WDR87: variants seen among roughly 807,000 people sequenced by gnomAD.
WDR87 encodes WD repeat-containing protein 87.
Under a neutral mutation model 83.3 loss-of-function variants are expected in WDR87, and 56 were observed. The ratio of observed to expected loss-of-function variants is 0.67; its 90% CI spans 0.54 to 0.84. WDR87 has a LOEUF of 0.84. Among genes scored for constraint, WDR87 ranks in the 40% least tolerant of loss-of-function variants. The pLI is 0.00. For missense variants in WDR87, 2,939 were observed against 3,431.9 expected (o/e 0.86, Z 3.59); for synonymous variants, 1,173 against 1,250.6 (o/e 0.94, Z 1.31).
In WDR87 at chr19:37,894,962, G is replaced by A. The variant is rs746990988; in HGVS notation, c.741C>T (p.Cys247=). The change falls in exon 4 of 6, where the codon TGC becomes TGT. Residue 247 remains cysteine (C), a synonymous_variant. Transcript: ENST00000447313. The part of the protein sequence containing the change: ...STSSGSSITC[C]FTCFDQGFLY... The stretch of plus-strand genomic sequence containing the variant: ...GAAAGCCCTGATCAAAACAGGTGAA[G>A]CAGCAGGTGATGGAGGAGCCGCTGC... The A allele has an allele frequency of 1.3e-6, 2 of 1,551,294 alleles. No individual in the cohort carries two copies. The highest frequency in any genetic ancestry group is 2.4e-5 in the East Asian group (1 of 40,868).
intron 1 of WDR87, among the ~76,000 whole-genome samples, chr19:37,899,898 A>G (rs2046283298): frequency 1.3e-5 from 2 of 152,240 alleles, no homozygotes; most frequent in Non-Finnish European, 2.9e-5. Context: ...TGCTGGCATT[A>G]CAGGCATGAA....
chr19:37,900,541 A>G (rs2046286746), intron 1 of WDR87, among the ~76,000 whole-genome samples: 1 of 144,500 alleles, frequency 6.9e-6, no homozygotes, highest in Non-Finnish European at 1.5e-5. Flanking sequence ...AGCCTCAGTG[A>G]CAGAGCAAGA....
chr19:37,902,843 A>G (rs1340558379), intron 1 of WDR87, among the ~76,000 whole-genome samples: 2 of 152,246 alleles, frequency 1.3e-5, no homozygotes, highest in Admixed American at 6.5e-5. Flanking sequence ...GTTGGCTCCA[A>G]TGTGCTCTGT....
Position 37,890,074 on chromosome 19 carries a change from G to A in WDR87, c.3597C>T (p.Ile1199=), listed in dbSNP as rs1484520077. 5 of 1,551,796 alleles carry A rather than the reference G, an allele frequency of 3.2e-6. No homozygotes were observed. Among genetic ancestry groups the A allele is most frequent in the South Asian group, 1.2e-5 (1 of 84,056 alleles). Reference sequence around the variant, plus strand: ...GGGTCAATGCAATGTGATCCTTCGAGATATCTTTCTCTTGAGAATCAACAT... The same window carrying A: ...GGGTCAATGCAATGTGATCCTTCGAAATATCTTTCTCTTGAGAATCAACAT... ...SKDVDSQEKD[I]SKDHIALTLK... The change falls in exon 6 of 6, where the codon ATC becomes ATT. Residue 1199 remains isoleucine, a synonymous_variant. Coordinates refer to ENST00000447313, the MANE Select transcript of WDR87 (RefSeq NM_001291088.2).
chr19:37,893,577 G>T lies in WDR87; in HGVS notation c.2126C>A (p.Ser709Tyr). The change falls in exon 4 of 6, where the codon TCC becomes TAC. Residue 709 changes from serine to tyrosine, a missense_variant. Around this residue, in one of 3 missense-constraint regions of WDR87, gnomAD observed 553 missense variants for 577.9 expected, o/e 0.96. Transcript: ENST00000447313. The part of the protein sequence containing the change: ...PKPFIPSFFF[S>Y]FETMFVPKYI... Reference sequence around the variant, plus strand: ...CTTGGGCACAAACATGGTCTCAAAGGAGAAGAAGAAGCTTGGTATGAAAGG... The same window carrying T: ...CTTGGGCACAAACATGGTCTCAAAGTAGAAGAAGAAGCTTGGTATGAAAGG... The T allele has an allele frequency of 6.4e-7, 1 of 1,551,844 alleles. No homozygotes were observed.
At position 37,895,083 on chromosome 19, in the gene WDR87, C is replaced by T. The variant is rs1243174918; in HGVS notation, c.620G>A (p.Ser207Asn). The T allele has an allele frequency of 3.2e-6, 5 of 1,551,612 alleles. No individual in the cohort carries two copies. Among genetic ancestry groups the T allele is most frequent in the East Asian group, 2.4e-5 (1 of 40,932 alleles). ...LVQDIVLNGP[S>N]GSLLALCETV... ...CTCACACAGGGCCAGGAGGGAGCCA[C>T]TGGGACCATTCAGCACGATGTCCTG... The change falls in exon 4 of 6, where the codon AGT becomes AAT. Residue 207 changes from serine to asparagine, a missense_variant. Around this residue, in one of 3 missense-constraint regions of WDR87, gnomAD observed 226 missense variants for 320.9 expected, o/e 0.70. Transcript: ENST00000447313.
chr19:37,898,060 T>A (rs1443916379), intron 2 of WDR87, 105 bp downstream of exon 2: 2 of 1,357,266 alleles, frequency 1.5e-6, no homozygotes, highest in Non-Finnish European at 2.0e-6. Flanking sequence ...ATACCCTGTT[T>A]GCTTCCTGTT....
intron 1 of WDR87, among the ~76,000 whole-genome samples, chr19:37,898,909 C>T (rs1344173346): frequency 6.6e-6 from 1 of 152,146 alleles, no homozygotes; most frequent in Non-Finnish European, 1.5e-5. Context: ...GAACTTCATC[C>T]GTTTAGAGAA....
At chr19:37,890,732 C>T (rs1329214761) in intron 5 of WDR87, among the ~76,000 whole-genome samples, 1 of 152,102 alleles carries the variant, frequency 6.6e-6, no homozygotes, top group South Asian at 2.1e-4. Flanking sequence ...AACCTCTGGC[C>T]CTAGGCAACC....
In WDR87 at chr19:37,888,902, G is replaced by C. The variant is rs1007860057; in HGVS notation, c.4769C>G (p.Ser1590Cys). 6.4e-7 allele frequency: 1 copy of C among 1,551,738 alleles called. No individual in the cohort carries two copies. The highest frequency in any genetic ancestry group is 8.7e-7 in the Non-Finnish European group (1 of 1,147,076). ...CTGTTCTTTTTCTTCCCCCTCCCGAGACACTTCTTCCTCCAAAGTCACTTC... is the reference window on the plus strand; with the variant it reads ...CTGTTCTTTTTCTTCCCCCTCCCGACACACTTCTTCCTCCAAAGTCACTTC... ...EEEVTLEEEV[S>C]REGEEKEQQV... is the part of the protein sequence containing the mutation. The change falls in exon 6 of 6, where the codon TCT (serine) becomes TGT (cysteine). Residue 1590 changes from serine to cysteine, a missense_variant. Physicochemically the swap from Ser to Cys is moderately radical, Grantham distance 112. Around this residue, in one of 3 missense-constraint regions of WDR87, gnomAD observed 2,160 missense variants for 2,533.1 expected, o/e 0.85. Coordinates refer to ENST00000447313, the MANE Select transcript of WDR87 (RefSeq NM_001291088.2).
Position 37,894,693 on chromosome 19 carries a change from G to C in WDR87, c.1010C>G (p.Thr337Ser). 6.4e-7 allele frequency: 1 copy of C among 1,551,758 alleles called. No individual in the cohort carries two copies. Among genetic ancestry groups the C allele is most frequent in the South Asian group, 1.2e-5 (1 of 84,068 alleles). ...LYRLQFIDSI[T>S]FFCQTAHSFS... ...ACTATGGGCAGTTTGGCAGAAGAAA[G>C]TAATGCTGTCAATAAACTGGAGCCG... The change falls in exon 4 of 6, where the codon ACT becomes AGT. Residue 337 changes from threonine to serine, a missense_variant. Transcript: ENST00000447313.
At chr19:37,905,683 A>G (rs922603376) in intron 1 of WDR87, among the ~76,000 whole-genome samples, 8 of 152,110 alleles carry the variant, frequency 5.3e-5, no homozygotes, top group African/African-American at 1.9e-4. Flanking sequence ...AGCCTCTTAA[A>G]TAGCTGGGAC....
Position 37,896,125 on chromosome 19 carries a change from A to G in WDR87, c.246+13T>C. On this transcript the variant is annotated intron_variant, in intron 3 of 5. Transcript: ENST00000447313. ...GGAGAATGGGCCAAGAAGGGTAAGA[A>G]AGGCAGTCTTACTTGTATTTCTTTT... is the stretch of plus-strand genomic sequence containing the variant. 1 of 1,552,174 alleles carries G rather than the reference A, an allele frequency of 6.4e-7. No homozygotes were observed. Among genetic ancestry groups the G allele is most frequent in the Non-Finnish European group, 8.7e-7 (1 of 1,147,054 alleles).
In WDR87 at chr19:37,894,556, T is replaced by C; in HGVS notation, c.1147A>G (p.Thr383Ala). ...AAGCGCAACAAGCCATCCTCAGTGGTACACAGGATCCGGAACCAGTTATTT... is the reference window on the plus strand; with the variant it reads ...AAGCGCAACAAGCCATCCTCAGTGGCACACAGGATCCGGAACCAGTTATTT... ...CGNNWFRILC[T>A]TEDGLLRFVS... Residue 383 changes from threonine (T) to alanine (A), a missense_variant, in exon 4 of 6, where the codon ACC becomes GCC. Physicochemically the swap from Thr to Ala is moderately conservative, Grantham distance 58. Coordinates refer to ENST00000447313, the MANE Select transcript of WDR87 (RefSeq NM_001291088.2). The C allele has an allele frequency of 6.4e-7, 1 of 1,551,562 alleles. No homozygotes were observed. The highest frequency in any genetic ancestry group is 8.7e-7 in the Non-Finnish European group (1 of 1,146,960).
In WDR87 at chr19:37,893,810, C is replaced by G. The variant is rs933523283; in HGVS notation, c.1893G>C (p.Arg631=). 1.9e-6 allele frequency: 3 copies of G among 1,551,718 alleles called. No individual in the cohort carries two copies. Among genetic ancestry groups the G allele is most frequent in the African/African-American group, 2.7e-5 (2 of 73,156 alleles). Residue 631 remains arginine (R), a synonymous_variant, in exon 4 of 6, where the codon CGG becomes CGC. Coordinates refer to ENST00000447313, the MANE Select transcript of WDR87 (RefSeq NM_001291088.2). ...FVTGSADGSV[R]IWDFHGRLIG... ...TGAGTCTGCCATGGAAGTCCCAGAT[C>G]CGAACAGAGCCATCGGCAGAACCTG...
At position 37,885,877 on chromosome 19, in the gene WDR87, C is replaced by G; in HGVS notation, c.7794G>C (p.Lys2598Asn). ...LCQLLKDLAS[K>N]GNLEWLHLAK... ...CCAGATGCAGCCATTCTAAGTTTCCCTTTGAGGCAAGGTCTTTGAGCAGCT... is the reference window on the plus strand; with the variant it reads ...CCAGATGCAGCCATTCTAAGTTTCCGTTTGAGGCAAGGTCTTTGAGCAGCT... The change falls in exon 6 of 6, where the codon AAG (lysine) becomes AAC (asparagine). Residue 2598 changes from lysine to asparagine, a missense_variant. Coordinates refer to ENST00000447313, the MANE Select transcript of WDR87 (RefSeq NM_001291088.2). 6.4e-7 allele frequency: 1 copy of G among 1,552,264 alleles called. No individual in the cohort carries two copies. Among genetic ancestry groups the G allele is most frequent in the South Asian group, 1.2e-5 (1 of 84,064 alleles).
rs988961370 is a variant in WDR87, at chr19:37,889,189, T to C, written c.4482A>G (p.Pro1494=). The C allele has an allele frequency of 1.3e-6, 2 of 1,552,196 alleles. No homozygotes were observed. The highest frequency in any genetic ancestry group is 1.4e-5 in the African/African-American group (1 of 73,036). The change falls in exon 6 of 6, where the codon CCA becomes CCG. Residue 1494 remains proline, a synonymous_variant. Coordinates refer to ENST00000447313, the MANE Select transcript of WDR87 (RefSeq NM_001291088.2). ...AGGCCTTTTTCCAGTCCTGCCAAGATGGTGTCCTCTCAATCATAACCAGTT... is the reference window on the plus strand; with the variant it reads ...AGGCCTTTTTCCAGTCCTGCCAAGACGGTGTCCTCTCAATCATAACCAGTT... ...EGKLVMIERT[P]SWQDWKKAWD...
chr19:37,888,537 C>T lies in WDR87; in HGVS notation c.5134G>A (p.Ala1712Thr). The part of the protein sequence containing the change: ...KKLAKKWEKV[A>T]REEEKLAKKG... ...TTTGCTAGTTTCTCTTCTTCTCTAG[C>T]CACTTTCTCCCATTTCTTGGCCAGT... is the stretch of plus-strand genomic sequence containing the variant. Residue 1712 changes from alanine (A) to threonine (T), a missense_variant, in exon 6 of 6, where the codon GCT (alanine) becomes ACT (threonine). Ala to Thr is a moderately conservative substitution (Grantham distance 58). Transcript: ENST00000447313. The T allele has an allele frequency of 1.3e-6, 2 of 1,551,836 alleles. No homozygotes were observed.
In WDR87 at chr19:37,887,924, A is replaced by G; in HGVS notation, c.5747T>C (p.Val1916Ala). 2 of 1,551,450 alleles carry G rather than the reference A, an allele frequency of 1.3e-6. No individual in the cohort carries two copies. Residue 1916 changes from valine to alanine, a missense_variant, in exon 6 of 6, where the codon GTA becomes GCA. By Grantham distance (64) the Val-to-Ala change is moderately conservative. Coordinates refer to ENST00000447313, the MANE Select transcript of WDR87 (RefSeq NM_001291088.2). ...LTHSKKQLVQVKNKLGMFNKI... is the reference protein window; with the variant it reads ...LTHSKKQLVQAKNKLGMFNKI... ...GTTGAACATTCCCAATTTGTTCTTT[A>G]CTTGCACTAATTGCTTTTTGCTGTG...
Sources: gnomAD v4.1 joint callset for allele counts (sites outside exome capture counted in the v4.1 genomes callset) on GRCh38, gnomAD v4.1.1 for gene constraint, gnomAD v4.1.1 regional missense constraint, MANE v1.5 for transcripts, NCBI Gene and HGNC (gene_info 2026-07-23, HGNC 2026-07-21) for gene names.